The following PHF24 variants were observed in gnomAD, a reference collection of about 807,000 sequenced individuals.
PHF24 encodes the protein Galpha inhibitory interacting protein.
PHF24 carries 25 observed loss-of-function variants against 42.6 expected under a neutral mutation model. The observed-to-expected ratio is 0.59, with a 90% CI of 0.43 to 0.82. The LOEUF (loss-of-function observed/expected upper bound fraction) is 0.82. Ranked by LOEUF, PHF24 falls within the 40% of genes least tolerant of loss-of-function variation. The pLI is 0.00. For missense variants in PHF24, 470 were observed against 538.1 expected (o/e 0.87, Z 1.25); for synonymous variants, 185 against 204.8 (o/e 0.90, Z 0.83).
At chr9:34,893,607 AAAAAAAG>A in the PHF24 span, among the ~76,000 whole-genome samples, 2 of 151,922 alleles carry the variant, frequency 1.3e-5, no homozygotes, top group African/African-American at 2.4e-5. Flanking sequence ...GTCTCAAAAA[AAAAAAAG>A]AAAAAAGAAA....
chr9:34,978,194 CAG>C, exon 8 of PHF24: 1 of 1,082,658 alleles, frequency 9.2e-7, no homozygotes, highest in South Asian at 1.3e-5. Context: ...ACCTCTGGCA[CAG>C]AGACTCATGG....
chr9:34,768,681 G>C, the PHF24 span, among the ~76,000 whole-genome samples: 2 of 152,176 alleles, frequency 1.3e-5, no homozygotes, highest in East Asian at 3.9e-4. Flanking sequence ...TCTCACTAAA[G>C]ACTTCTTCTG....
chr9:34,882,944 C>T, the PHF24 span, among the ~76,000 whole-genome samples: 17 of 152,268 alleles, frequency 1.1e-4, no homozygotes, highest in African/African-American at 2.4e-4. Flanking sequence ...GGAGGCATCA[C>T]GCTACCTGAC....
chr9:34,677,308 A>G, the PHF24 span, among the ~76,000 whole-genome samples: 3 of 151,016 alleles, frequency 2.0e-5, no homozygotes, highest in African/African-American at 7.3e-5. Flanking sequence ...TCTCTTTCCT[A>G]GACTACTGGA....
At chr9:34,829,519 CA>C in the PHF24 span, among the ~76,000 whole-genome samples, 1 of 152,064 alleles carries the variant, frequency 6.6e-6, no homozygotes, top group Non-Finnish European at 1.5e-5. Context: ...AGATGTTTTT[CA>C]AAGTAATTTT....
the PHF24 span, among the ~76,000 whole-genome samples, chr9:34,821,063 C>A: frequency 1.3e-5 from 2 of 152,120 alleles, no homozygotes; most frequent in Admixed American, 6.5e-5. Flanking sequence ...TGTCCTTTGC[C>A]CATAAAGTGG....
exon 5 of PHF24, chr9:34,976,724 A>G (rs1353852846): frequency 6.2e-7 from 1 of 1,613,652 alleles, no homozygotes; most frequent in African/African-American, 1.3e-5. Flanking sequence ...CTGCTTCTGC[A>G]GCAGTTGCGT....
chr9:34,787,101 G>C, the PHF24 span, among the ~76,000 whole-genome samples: 1 of 152,096 alleles, frequency 6.6e-6, no homozygotes, highest in Non-Finnish European at 1.5e-5. Context: ...AGGAAGCAAA[G>C]GGGACCCAAA....
the PHF24 span, among the ~76,000 whole-genome samples, chr9:34,920,274 C>T: frequency 6.6e-6 from 1 of 152,128 alleles, no homozygotes. Context: ...TGATACCTCA[C>T]TGTAGTTTCA....
the PHF24 span, among the ~76,000 whole-genome samples, chr9:34,762,622 A>C: frequency 4.9e-4 from 72 of 146,192 alleles, no homozygotes; most frequent in East Asian, 1.4e-3. Context: ...AGTAGGTTGC[A>C]AAAATTTTCT....
At chr9:34,886,357 G>A in the PHF24 span, among the ~76,000 whole-genome samples, 1 of 151,648 alleles carries the variant, frequency 6.6e-6, no homozygotes, top group East Asian at 1.9e-4. Flanking sequence ...GTCACCAACT[G>A]CTCTTCTTCC....
chr9:34,840,155 C>T, the PHF24 span, among the ~76,000 whole-genome samples: 1 of 152,040 alleles, frequency 6.6e-6, no homozygotes, highest in African/African-American at 2.4e-5. Flanking sequence ...ATTTTAATCA[C>T]TTAGATTAAT....
chr9:34,763,072 C>A, the PHF24 span, among the ~76,000 whole-genome samples: 21 of 152,212 alleles, frequency 1.4e-4, no homozygotes, highest in South Asian at 2.1e-4. Flanking sequence ...TGTTTTGGTA[C>A]CAGTACCATG....
the PHF24 span, among the ~76,000 whole-genome samples, chr9:34,924,835 A>G: frequency 7.9e-5 from 12 of 152,008 alleles, no homozygotes; most frequent in African/African-American, 2.9e-4. Context: ...GTTGTTTTGT[A>G]TATCTTTTGT....
At chr9:34,787,855 T>TAA in the PHF24 span, among the ~76,000 whole-genome samples, 1 of 152,188 alleles carries the variant, frequency 6.6e-6, no homozygotes, top group Non-Finnish European at 1.5e-5. Context: ...AGCAATCCAA[T>TAA]AACAATTTTC....
the PHF24 span, among the ~76,000 whole-genome samples, chr9:34,747,459 G>T: frequency 2.0e-5 from 3 of 152,022 alleles, no homozygotes; most frequent in Non-Finnish European, 4.4e-5. Flanking sequence ...GAAACAGACA[G>T]ACAACCCAAC....
At chr9:34,700,810 G>T in the PHF24 span, among the ~76,000 whole-genome samples, 9 of 152,126 alleles carry the variant, frequency 5.9e-5, no homozygotes, top group African/African-American at 2.2e-4. Context: ...AGAGAAACAG[G>T]AATCAGGGAA....
chr9:34,850,395 G>A, the PHF24 span, among the ~76,000 whole-genome samples: 5 of 151,870 alleles, frequency 3.3e-5, no homozygotes, highest in African/African-American at 7.3e-5. Flanking sequence ...TGGTCTCATC[G>A]GCTTCTGAGG....
At chr9:34,694,245 C>T in the PHF24 span, among the ~76,000 whole-genome samples, 1 of 135,258 alleles carries the variant, frequency 7.4e-6, no homozygotes, top group African/African-American at 2.7e-5. Flanking sequence ...TCTCAGCTAA[C>T]TGCAGCCTCT....
Sources: allele counts gnomAD v4.1 joint callset (sites outside exome capture counted in the v4.1 genomes callset), GRCh38; gene constraint gnomAD v4.1.1; transcripts MANE v1.5; gene names NCBI Gene and HGNC (gene_info 2026-07-23, HGNC 2026-07-21).